Variants in MEGF8 observed in about 807,000 individuals in gnomAD.
MEGF8 encodes multiple EGF like domains 8.
Under a neutral mutation model 302.9 loss-of-function variants are expected in MEGF8, and 156 were observed. That is an observed-to-expected ratio of 0.52 (90% CI 0.45 to 0.59). The LOEUF is 0.59. MEGF8 is among the 20% of genes least tolerant of loss of function. The pLI is 0.00. For synonymous variants in MEGF8, 1,621 were observed against 1,660.5 expected (o/e 0.98, Z 0.58); for missense variants, 3,345 against 3,964.5 (o/e 0.84, Z 4.20).
chr19:42,337,839 C>T (rs1321840982), intron 8 of MEGF8, among the ~76,000 whole-genome samples: 1 of 145,976 alleles, frequency 6.9e-6, no homozygotes. Context: ...AGTCTCGCTC[C>T]GTCGCCCGGG....
chr19:42,375,936 C>A lies in MEGF8; in HGVS notation c.7699C>A (p.Arg2567=). Residue 2567 remains arginine, a synonymous_variant, in exon 42 of 42, where the codon CGG becomes AGG. Coordinates refer to ENST00000251268, the MANE Select transcript of MEGF8 (RefSeq NM_001271938.2). The surrounding 1 kb of genome is among the most constrained non-coding windows in gnomAD (Gnocchi z 7.1). ...GPGAPAEPRV[R]EVWPRGLITY... The stretch of plus-strand genomic sequence containing the variant: ...GGGCGCCCCAGCAGAGCCACGGGTA[C>A]GGGAGGTATGGCCGCGGGGCCTGAT... The A allele has an allele frequency of 6.2e-7, 1 of 1,603,690 alleles. No individual in the cohort carries two copies. Among genetic ancestry groups the A allele is most frequent in the South Asian group, 1.1e-5 (1 of 89,964 alleles).
At chr19:42,359,853 A>ATTTTTT (rs891961465) in intron 31 of MEGF8, among the ~76,000 whole-genome samples, 8 of 125,404 alleles carry the variant, frequency 6.4e-5, no homozygotes, top group African/African-American at 9.4e-5. Flanking sequence ...CGCCTGGATA[A>ATTTTTT]TTTTTTTTTT....
At chr19:42,340,139 T>C (rs556468727) in intron 8 of MEGF8, among the ~76,000 whole-genome samples, 4 of 152,350 alleles carry the variant, frequency 2.6e-5, no homozygotes, top group African/African-American at 9.6e-5. Context: ...TAACACGTAA[T>C]GCCATTGGAT....
chr19:42,344,449 C>A lies in MEGF8; in HGVS notation c.1797C>A (p.Ala599=), dbSNP rs749153853. Residue 599 remains alanine (A), a synonymous_variant, in exon 11 of 42, where the codon GCC becomes GCA. Coordinates refer to ENST00000251268, the MANE Select transcript of MEGF8 (RefSeq NM_001271938.2). This position sits in a 1 kb window ranked among gnomAD's most constrained non-coding sequence, Gnocchi z 4.5. ...PPGTPLGACP[A]ASCLGLGRLL... is the part of the protein sequence containing the mutation. ...CCCTCTCCTCCTCGCAGTGTCCAGCCGCCAGCTGCCTGGGCCTGGGCCGCC... is the reference window on the plus strand; with the variant it reads ...CCCTCTCCTCCTCGCAGTGTCCAGCAGCCAGCTGCCTGGGCCTGGGCCGCC... 1.1e-5 allele frequency: 17 copies of A among 1,590,878 alleles called. No individual in the cohort carries two copies. Among genetic ancestry groups the A allele is most frequent in the Admixed American group, 5.1e-5 (3 of 59,150 alleles).
At position 42,353,479 on chromosome 19, in the gene MEGF8, G is replaced by A; in HGVS notation, c.3565G>A (p.Glu1189Lys). The change falls in exon 21 of 42, where the codon GAG becomes AAG. Residue 1189 changes from glutamate to lysine, a missense_variant. By Grantham distance (56) the Glu-to-Lys change is moderately conservative. Transcript: ENST00000251268. The surrounding 1 kb of genome is among the most constrained non-coding windows in gnomAD (Gnocchi z 6.1). ...CDECQDWTWG[E>K]HCERCRPGSF... ...GGCCTCCACAGACTGGACATGGGGG[G>A]AGCACTGCGAACGATGCCGGCCCGG... is the stretch of plus-strand genomic sequence containing the variant. 6.2e-7 allele frequency: 1 copy of A among 1,610,578 alleles called. No individual in the cohort carries two copies. The highest frequency in any genetic ancestry group is 8.5e-7 in the Non-Finnish European group (1 of 1,179,386).
chr19:42,376,890 C>A lies in MEGF8; in HGVS notation c.*115C>A. On this transcript the variant is annotated 3_prime_UTR_variant, in exon 42 of 42. Coordinates refer to ENST00000251268, the MANE Select transcript of MEGF8 (RefSeq NM_001271938.2). The surrounding 1 kb of genome is among the most constrained non-coding windows in gnomAD (Gnocchi z 8.2). The stretch of plus-strand genomic sequence containing the variant: ...TGTCTACTTGGAGACCACTGGCCCC[C>A]TTCCCCCAGGGTTGCCCAGATGGGG... 1 of 1,229,452 alleles carries A rather than the reference C, an allele frequency of 8.1e-7. No homozygotes were observed. The highest frequency in any genetic ancestry group is 2.0e-5 in the South Asian group (1 of 48,972). 76.2% of individuals were successfully genotyped at this position (1,229,452 alleles called of 1,614,324 possible).
At chr19:42,346,722 C>T (rs762124278) in intron 12 of MEGF8, among the ~76,000 whole-genome samples, 1 of 151,576 alleles carries the variant, frequency 6.6e-6, no homozygotes, top group Non-Finnish European at 1.5e-5. Flanking sequence ...CGGTGGCTCA[C>T]GCCGGTAATC....
rs950782315 is a variant in MEGF8, at chr19:42,363,046, A to G, written c.6059-2A>G. Reference sequence around the variant, plus strand: ...GTTCTAATCCCCGTGCCCCACCCCCAGGGGAGACCCGCCGCATCCTCTCCG... The same window carrying G: ...GTTCTAATCCCCGTGCCCCACCCCCGGGGGAGACCCGCCGCATCCTCTCCG... On this transcript the variant is annotated splice_acceptor_variant, in intron 34 of 41. Coordinates refer to ENST00000251268, the MANE Select transcript of MEGF8 (RefSeq NM_001271938.2). LOFTEE classifies it high-confidence loss of function. 1.2e-6 allele frequency: 2 copies of G among 1,607,484 alleles called. No homozygotes were observed. Among genetic ancestry groups the G allele is most frequent in the South Asian group, 1.1e-5 (1 of 90,508 alleles).
chr19:42,340,216 T>C (rs1032270583), intron 8 of MEGF8, among the ~76,000 whole-genome samples: 2 of 152,180 alleles, frequency 1.3e-5, no homozygotes, highest in African/African-American at 4.8e-5. Context: ...ACACATTTCC[T>C]TTCTTTTTTA....
intron 8 of MEGF8, among the ~76,000 whole-genome samples, chr19:42,342,662 G>A (rs995405557): frequency 1.3e-5 from 2 of 151,926 alleles, no homozygotes; most frequent in East Asian, 3.9e-4. Flanking sequence ...GAATTTCCTG[G>A]CTCACTTGAG....
intron 8 of MEGF8, among the ~76,000 whole-genome samples, chr19:42,341,180 C>A (rs1419601154): frequency 6.6e-6 from 1 of 152,034 alleles, no homozygotes. Flanking sequence ...TCCTGTAATG[C>A]CAGCACTTTG....
chr19:42,355,277 T>C (rs559016367), intron 23 of MEGF8, among the ~76,000 whole-genome samples: 57 of 152,288 alleles, frequency 3.7e-4, no homozygotes, highest in African/African-American at 1.3e-3. Context: ...TATAACTTTA[T>C]TGAGGCATAT....
Position 42,336,067 on chromosome 19 carries a change from C to T in MEGF8, c.965C>T (p.Ala322Val), listed in dbSNP as rs776527811. The T allele has an allele frequency of 6.3e-7, 1 of 1,592,696 alleles. No homozygotes were observed. The highest frequency in any genetic ancestry group is 2.3e-5 in the East Asian group (1 of 44,288). Residue 322 changes from alanine (A) to valine (V), a missense_variant, in exon 6 of 42, where the codon GCA becomes GTA. Ala to Val is a moderately conservative substitution (Grantham distance 64). Coordinates refer to ENST00000251268, the MANE Select transcript of MEGF8 (RefSeq NM_001271938.2). This position sits in a 1 kb window ranked among gnomAD's most constrained non-coding sequence, Gnocchi z 4.8. ...PLGRGHWELL[A>V]PPASSSSGPP... ...GGCAGGGGCCACTGGGAGCTCCTGG[C>T]ACCACCTGCCTCCAGCTCCTCGGGG...
intron 41 of MEGF8, among the ~76,000 whole-genome samples, chr19:42,372,074 A>ACAC (rs1555784681): frequency 1.4e-4 from 11 of 79,230 alleles, no homozygotes; most frequent in Non-Finnish European, 2.5e-4. Flanking sequence ...AACAACAACA[A>ACAC]ACACACACAC....
chr19:42,346,930 A>T (rs1407946125), intron 12 of MEGF8, among the ~76,000 whole-genome samples: 1 of 148,846 alleles, frequency 6.7e-6, no homozygotes, highest in Non-Finnish European at 1.5e-5. Flanking sequence ...GCTTGCAGTC[A>T]GCTGAGATCA....
Position 42,333,590 on chromosome 19 carries a change from G to T in MEGF8, c.188-15G>T. 1 of 1,611,692 alleles carries T rather than the reference G, an allele frequency of 6.2e-7. No homozygotes were observed. The stretch of plus-strand genomic sequence containing the variant: ...GTCCGCTTTAGAGCTTGGTCCCTCT[G>T]TGCTCACCTCCCAGCCCCAAGCCCC... On this transcript the variant is annotated splice_polypyrimidine_tract_variant and intron_variant, in intron 1 of 41. Transcript: ENST00000251268.
At chr19:42,359,753 T>G (rs1271790335) in intron 31 of MEGF8, among the ~76,000 whole-genome samples, 1 of 151,996 alleles carries the variant, frequency 6.6e-6, no homozygotes, top group Admixed American at 6.6e-5. Context: ...GATGCTATCT[T>G]GGCTCACTGT....
rs1403068641 is a variant in MEGF8, at chr19:42,333,593, C to T, written c.188-12C>T. The T allele has an allele frequency of 6.2e-7, 1 of 1,611,672 alleles. No homozygotes were observed. The highest frequency in any genetic ancestry group is 2.2e-5 in the East Asian group (1 of 44,854). ...CGCTTTAGAGCTTGGTCCCTCTGTG[C>T]TCACCTCCCAGCCCCAAGCCCCCAG... On this transcript the variant is annotated splice_polypyrimidine_tract_variant and intron_variant, in intron 1 of 41. Transcript: ENST00000251268.
rs751128659 is a variant in MEGF8, at chr19:42,350,279, C to A, written c.2631C>A (p.Gly877=). The A allele has an allele frequency of 1.9e-6, 3 of 1,610,798 alleles. No homozygotes were observed. The Admixed American group carries it at 5.0e-5, about 27-fold the overall frequency. The change falls in exon 15 of 42, where the codon GGC becomes GGA. Residue 877 remains glycine (G), a synonymous_variant. Transcript: ENST00000251268. The part of the protein sequence containing the change: ...LTSATCHLRQ[G]GAHCGDDGAG... ...GTGCCACCTGCCACCTGCGCCAGGG[C>A]GGAGCCCATTGCGGGGATGACGGGG...
Sources: gnomAD v4.1 joint callset for allele counts (sites outside exome capture counted in the v4.1 genomes callset) on GRCh38, gnomAD v4.1.1 for gene constraint, Gnocchi (gnomAD v3.1) non-coding constraint, MANE v1.5 for transcripts, NCBI Gene and HGNC (gene_info 2026-07-23, HGNC 2026-07-21) for gene names.